The following C3orf52 variants were observed in gnomAD, a reference collection of about 807,000 sequenced individuals.
The protein encoded by C3orf52 is chromosome 3 open reading frame 52.
C3orf52 carries 22 observed loss-of-function variants against 24.8 expected under a neutral mutation model. That is an observed-to-expected ratio of 0.89 (90% CI 0.63 to 1.27). C3orf52 has a LOEUF of 1.27. Among genes scored for constraint, C3orf52 ranks in the 50% most tolerant of loss-of-function variants. The probability of loss-of-function intolerance (pLI) is 0.00; values close to 1 mark genes in which losing one functional copy is unlikely to be tolerated. For missense variants in C3orf52, 265 were observed against 260.7 expected, an observed-to-expected ratio of 1.02 and a Z score of -0.11; for synonymous variants, 93 against 100.2, an observed-to-expected ratio of 0.93 and a Z score of 0.43.
intron 1 of C3orf52, among the ~76,000 whole-genome samples, chr3:112,090,400 TCCTCCCA>T (rs2073866769): frequency 6.6e-6 from 1 of 150,552 alleles, no homozygotes; most frequent in South Asian, 2.1e-4. Context: ...GCTCAAGCGA[TCCTCCCA>T]CCTCAGACTC....
At chr3:112,118,545 G>A (rs1265412075), downstream of C3orf52, among the ~76,000 whole-genome samples, 1 of 152,190 alleles carries the variant, frequency 6.6e-6, no homozygotes, top group Non-Finnish European at 1.5e-5. Flanking sequence ...CAAGATGCAA[G>A]TACCTTGTCT....
chr3:112,115,983 T>G lies in C3orf52; in HGVS notation c.650-659T>G, dbSNP rs2074130179. On this transcript the variant is annotated intron_variant, in intron 5 of 5. Coordinates refer to ENST00000264848, the MANE Select transcript of C3orf52 (RefSeq NM_024616.3). ...TGTTTTACAAAGGTCGAAGAATAGG[T>G]CAGCATCATGAGTTATTTTGGACAC... Among the ~76,000 whole-genome samples the G allele has an allele frequency of 2.0e-5, 3 of 152,256 alleles. 1 individual carries two copies. The South Asian group carries it at 6.2e-4, about 32-fold the overall frequency.
At chr3:112,134,834 C>T (rs189147694), downstream of C3orf52, 1 of 154,834 alleles carries the variant, frequency 6.5e-6, no homozygotes, top group African/African-American at 2.4e-5. Context: ...TTAATACATG[C>T]AATAACTTGG....
chr3:112,110,856 C>T (rs893470946), intron 4 of C3orf52, among the ~76,000 whole-genome samples: 2 of 152,132 alleles, frequency 1.3e-5, no homozygotes, highest in African/African-American at 4.8e-5. Context: ...GGTGTGGGGC[C>T]AAACAGACCT....
At chr3:112,131,225 C>T (rs2074442838), downstream of C3orf52, among the ~76,000 whole-genome samples, 1 of 152,148 alleles carries the variant, frequency 6.6e-6, no homozygotes, top group Non-Finnish European at 1.5e-5. Context: ...GGCAACTGGT[C>T]TGAGGATCCA....
rs1576130442 is a variant in C3orf52, at chr3:112,086,682, T to G, written c.138+137T>G. On this transcript the variant is annotated intron_variant, in intron 1 of 5. Coordinates refer to ENST00000264848, the MANE Select transcript of C3orf52 (RefSeq NM_024616.3). ...CGAGCGAGGGTGGGGCGCGCTCGAG[T>G]GCTCTGAATGGAGCCGAGTCACCGC... 16 of 1,117,634 alleles carry G rather than the reference T, an allele frequency of 1.4e-5. No individual in the cohort carries two copies. The East Asian group carries it at 4.2e-4, about 29-fold the overall frequency. The allele number at this position is 1,117,634 out of a possible 1,614,324, so 69.2% of individuals were successfully genotyped here.
chr3:112,099,280 C>T (rs1269669680), intron 2 of C3orf52, among the ~76,000 whole-genome samples: 1 of 152,138 alleles, frequency 6.6e-6, no homozygotes, highest in African/African-American at 2.4e-5. Flanking sequence ...GACTAATACA[C>T]GCTCACATTG....
chr3:112,098,303 T>C (rs2073942511), intron 2 of C3orf52, among the ~76,000 whole-genome samples: 1 of 152,238 alleles, frequency 6.6e-6, no homozygotes, highest in South Asian at 2.1e-4. Flanking sequence ...ATTATACTCT[T>C]CTGAGTCTAT....
At chr3:112,131,437 A>T (rs1295469940), downstream of C3orf52, among the ~76,000 whole-genome samples, 2 of 152,176 alleles carry the variant, frequency 1.3e-5, no homozygotes, top group South Asian at 2.1e-4. Flanking sequence ...TGAAAATTAG[A>T]TACCAATATA....
chr3:112,115,680 T>C (rs1215527958), intron 5 of C3orf52, among the ~76,000 whole-genome samples: 2 of 152,044 alleles, frequency 1.3e-5, no homozygotes, highest in African/African-American at 4.8e-5. Context: ...TATGGTCCAT[T>C]TGGGGTTTGT....
intron 2 of C3orf52, among the ~76,000 whole-genome samples, chr3:112,095,854 C>T (rs1011017321): frequency 6.6e-6 from 1 of 152,064 alleles, no homozygotes; most frequent in Non-Finnish European, 1.5e-5. Flanking sequence ...GTCCCAGCCT[C>T]ACCTAGAGCA....
chr3:112,123,122 A>G, downstream of C3orf52: 1 of 297,388 alleles, frequency 3.4e-6, no homozygotes. Flanking sequence ...ACACTTTATA[A>G]GAAGATCCCA....
intron 2 of C3orf52, among the ~76,000 whole-genome samples, chr3:112,098,910 ATTGTTTGGAT>A (rs2073948456): frequency 6.6e-6 from 1 of 152,064 alleles, no homozygotes; most frequent in South Asian, 2.1e-4. Flanking sequence ...ACCATCTGAT[ATTGTTTGGAT>A]TTGTGTCCCT....
downstream of C3orf52, chr3:112,122,098 A>G (rs905590331): frequency 6.6e-6 from 1 of 152,232 alleles, no homozygotes; most frequent in African/African-American, 2.4e-5. Flanking sequence ...CCTTGGTCTC[A>G]CTTATCCATT....
chr3:112,129,571 G>GGTCT (rs1441894871), downstream of C3orf52: 1 of 152,086 alleles, frequency 6.6e-6, no homozygotes, highest in Non-Finnish European at 1.5e-5. Context: ...CTGGCTCTCT[G>GGTCT]GTCTACCCAA....
intron 2 of C3orf52, among the ~76,000 whole-genome samples, chr3:112,099,695 C>T (rs147033414): frequency 2.1e-4 from 32 of 152,298 alleles, no homozygotes; most frequent in Admixed American, 5.9e-4. Flanking sequence ...AATGTTTGCA[C>T]GTCATACTTA....
intron 2 of C3orf52, among the ~76,000 whole-genome samples, chr3:112,094,693 G>A (rs949422626): frequency 8.5e-5 from 13 of 152,198 alleles, no homozygotes; most frequent in African/African-American, 3.1e-4. Context: ...TCTTTAGGTA[G>A]TTACCAATTT....
At chr3:112,108,888 T>C (rs2074052120) in intron 3 of C3orf52, among the ~76,000 whole-genome samples, 2 of 152,160 alleles carry the variant, frequency 1.3e-5, no homozygotes, top group South Asian at 4.1e-4. Context: ...CTGAATAGTA[T>C]GTAGGAGTCA....
Position 112,123,339 on chromosome 3 carries a change from A to G in C3orf52, c.*46+3777A>G. The G allele has an allele frequency of 2.7e-6, 4 of 1,506,810 alleles. No homozygotes were observed. In the South Asian group the frequency reaches 4.1e-5, roughly 15 times the overall value. The allele number at this position is 1,506,810 out of a possible 1,614,324, so 93.3% of individuals were successfully genotyped here. On this transcript the variant is annotated intron_variant, in intron 4 of 4. Coordinates refer to the C3orf52 transcript ENST00000480282. ...TATACAAACCATGCTCTGCAGGGAAAGGGTTGTTGTGGGAGATAAGCTGGA... is the reference window on the plus strand; with the variant it reads ...TATACAAACCATGCTCTGCAGGGAAGGGGTTGTTGTGGGAGATAAGCTGGA...
Sources: allele counts gnomAD v4.1 joint callset (sites outside exome capture counted in the v4.1 genomes callset), GRCh38; gene constraint gnomAD v4.1.1; transcripts MANE v1.5; gene names NCBI Gene and HGNC (gene_info 2026-07-23, HGNC 2026-07-21).